ANKRD55: variants seen among roughly 807,000 people sequenced by gnomAD.
ANKRD55 encodes the protein ankyrin repeat domain 55.
Under a neutral mutation model 60.6 loss-of-function variants are expected in ANKRD55, and 41 were observed. The observed-to-expected ratio is 0.68, with a 90% CI of 0.53 to 0.88. The LOEUF is 0.88. ANKRD55 is among the 40% of genes least tolerant of loss of function. The probability of loss-of-function intolerance (pLI) is 0.00; values close to 1 mark genes in which losing one functional copy is unlikely to be tolerated. For missense variants in ANKRD55, 732 were observed against 767.6 expected (o/e 0.95, Z 0.55); for synonymous variants, 264 against 290.3 (o/e 0.91, Z 0.92).
chr5:56,192,551 G>A (rs1759124363), intron 2 of ANKRD55: 2 of 377,964 alleles, frequency 5.3e-6, no homozygotes, highest in East Asian at 1.0e-4. Flanking sequence ...TTCCGAGATG[G>A]CCTCTAAATC....
intron 2 of ANKRD55, among the ~76,000 whole-genome samples, chr5:56,186,689 C>G (rs1421849810): frequency 6.6e-6 from 1 of 152,160 alleles, no homozygotes; most frequent in East Asian, 1.9e-4. Flanking sequence ...AGAAAATAGT[C>G]TCTTGTTGAT....
intron 2 of ANKRD55, among the ~76,000 whole-genome samples, chr5:56,222,240 G>A (rs758854786): frequency 1.4e-4 from 21 of 152,192 alleles, no homozygotes; most frequent in Non-Finnish European, 2.8e-4. Flanking sequence ...AACAGAGTCT[G>A]GAGTGGACCT....
intron 9 of ANKRD55, among the ~76,000 whole-genome samples, chr5:56,112,827 T>G (rs1209421057): frequency 6.6e-6 from 1 of 152,088 alleles, no homozygotes; most frequent in African/African-American, 2.4e-5. Context: ...CTTTCTGGAG[T>G]GAGATATCGC....
At chr5:56,201,900 C>T (rs943808580) in intron 2 of ANKRD55, among the ~76,000 whole-genome samples, 2 of 152,156 alleles carry the variant, frequency 1.3e-5, no homozygotes, top group Non-Finnish European at 2.9e-5. Flanking sequence ...AACCTAAATG[C>T]CCATCAGTGA....
chr5:56,162,167 T>A, intron 5 of ANKRD55: 1 of 323,340 alleles, frequency 3.1e-6, no homozygotes, highest in Non-Finnish European at 4.4e-6. Context: ...AGATTATCTG[T>A]AGCCAGACAG....
Position 56,102,504 on chromosome 5 carries a change from T to A in ANKRD55, c.1713A>T (p.Pro571=). 6.2e-7 allele frequency: 1 copy of A among 1,610,698 alleles called. No individual in the cohort carries two copies. The highest frequency in any genetic ancestry group is 8.5e-7 in the Non-Finnish European group (1 of 1,177,518). ...PFTRNNLAPL[P]DQKFLSGEPL... ...ATTCATAATACTTACATTTTTGATCTGGTAGGGGAGCTAGGTTGTTCCGAG... is the reference window on the plus strand; with the variant it reads ...ATTCATAATACTTACATTTTTGATCAGGTAGGGGAGCTAGGTTGTTCCGAG... Residue 571 remains proline, a synonymous_variant, in exon 11 of 12, where the codon CCA becomes CCT. Coordinates refer to ENST00000341048, the MANE Select transcript of ANKRD55 (RefSeq NM_024669.3).
chr5:56,146,437 A>G (rs908623541), intron 6 of ANKRD55, among the ~76,000 whole-genome samples: 5 of 151,992 alleles, frequency 3.3e-5, no homozygotes, highest in African/African-American at 4.8e-5. Context: ...GGTGCCCGCC[A>G]CCACGCCTGC....
rs1758230057 is a variant in ANKRD55 at position 56,157,792 on chromosome 5, TACTG to T, written c.483+2037_483+2040del. On this transcript the variant is annotated intron_variant, in intron 6 of 11. Transcript: ENST00000341048. ...GATGGTAGAGATAATGATCAATAAA[TACTG>T]AGGGAACTCAGAGACCGGAGCCGGC... is the stretch of plus-strand genomic sequence containing the variant. Among the ~76,000 whole-genome samples, 3 of 152,274 alleles carry T rather than the reference TACTG, an allele frequency of 2.0e-5. No homozygotes were observed. In the South Asian group the frequency reaches 6.2e-4, roughly 32 times the overall value.
At chr5:56,186,633 T>A (rs542262844) in intron 2 of ANKRD55, among the ~76,000 whole-genome samples, 137 of 152,238 alleles carry the variant, frequency 9.0e-4, no homozygotes, top group African/African-American at 3.1e-3. Flanking sequence ...CTTAAAAAAT[T>A]TTTTTTTGGT....
Position 56,233,233 on chromosome 5 carries a change from C to T in ANKRD55, c.-34+8G>A, listed in dbSNP as rs2111907131. ...CAAAAAGATAGTAAAATTGTATGGG[C>T]CACCTGCCTTGGATCTGGGCTGGAA... On this transcript the variant is annotated splice_region_variant and intron_variant, in intron 1 of 11. Coordinates refer to ENST00000341048, the MANE Select transcript of ANKRD55 (RefSeq NM_024669.3). The T allele has an allele frequency of 9.4e-6, 3 of 318,078 alleles. No individual in the cohort carries two copies. The highest frequency in any genetic ancestry group is 9.7e-5 in the South Asian group (2 of 20,650). The allele number at this position is 318,078 out of a possible 1,614,324, so 19.7% of individuals were successfully genotyped here.
In ANKRD55 at chr5:56,143,906, C is replaced by T. The variant is rs1471943648; in HGVS notation, c.507G>A (p.Ala169=). ...DNEGMTPLHW[A]AFHNQPQHTQ... is the part of the protein sequence containing the mutation. ...TGTGTTGAGGCTGGTTGTGGAAAGCCGCCCAGTGGAGTGGTGTCATTCCCT... is the reference window on the plus strand; with the variant it reads ...TGTGTTGAGGCTGGTTGTGGAAAGCTGCCCAGTGGAGTGGTGTCATTCCCT... Residue 169 remains alanine (A), a synonymous_variant, in exon 7 of 12, where the codon GCG becomes GCA. Transcript: ENST00000341048. 8.7e-6 allele frequency: 14 copies of T among 1,613,948 alleles called. No homozygotes were observed. The highest frequency in any genetic ancestry group is 3.3e-5 in the South Asian group (3 of 91,086).
intron 9 of ANKRD55, among the ~76,000 whole-genome samples, chr5:56,116,245 T>C (rs528896204): frequency 1.3e-5 from 2 of 151,828 alleles, no homozygotes; most frequent in Admixed American, 6.6e-5. Flanking sequence ...TTTTTGAGAG[T>C]GTAAAAGGGT....
At chr5:56,180,832 T>C (rs1758835426) in intron 3 of ANKRD55, among the ~76,000 whole-genome samples, 1 of 152,248 alleles carries the variant, frequency 6.6e-6, no homozygotes, top group African/African-American at 2.4e-5. Context: ...AGTATGTTGG[T>C]AGGTTCCTTA....
intron 6 of ANKRD55, among the ~76,000 whole-genome samples, chr5:56,159,274 C>T (rs1266709904): frequency 6.6e-6 from 1 of 152,138 alleles, no homozygotes; most frequent in Non-Finnish European, 1.5e-5. Flanking sequence ...CCAGCTTGAC[C>T]AACACGGAGA....
rs145772534 is a variant in ANKRD55 at position 56,224,357 on chromosome 5, T to C, written c.58+8499A>G. 2.6e-4 allele frequency among the ~76,000 whole-genome samples: 40 copies of C among 152,320 alleles called. No homozygotes were observed. In the East Asian group the frequency reaches 7.1e-3, roughly 27 times the overall value. On this transcript the variant is annotated intron_variant, in intron 2 of 11. Coordinates refer to ENST00000341048, the MANE Select transcript of ANKRD55 (RefSeq NM_024669.3). ...AAGGCAGTGTGTAGAGGGAAATTTATAGCACTAAATGCCCACAACAGAAAG... is the reference window on the plus strand; with the variant it reads ...AAGGCAGTGTGTAGAGGGAAATTTACAGCACTAAATGCCCACAACAGAAAG...
In ANKRD55 at chr5:56,145,764, A is replaced by G. The variant is rs73759906; in HGVS notation, c.484-1835T>C. ...AACCAGTTCCATATTTTAAATTCCT[A>G]TATTATGGTTTGCTTTCAAGTTTCA... On this transcript the variant is annotated intron_variant, in intron 6 of 11. Transcript: ENST00000341048. Among the ~76,000 whole-genome samples the G allele has an allele frequency of 8.3e-3, 1,271 of 152,278 alleles. 19 individuals carry two copies. Among genetic ancestry groups the G allele is most frequent in the African/African-American group, 0.028 (1,179 of 41,536 alleles).
chr5:56,145,048 G>A lies in ANKRD55; in HGVS notation c.484-1119C>T, dbSNP rs113405756. Among the ~76,000 whole-genome samples, 357 of 152,314 alleles carry A rather than the reference G, an allele frequency of 2.3e-3. 2 individuals are homozygous for A. The highest frequency in any genetic ancestry group is 8.0e-3 in the African/African-American group (332 of 41,564). Reference sequence around the variant, plus strand: ...TGGCTTTCTCTGTTCCTTCCAGGGTGAGCTGCATGGAGAAGATGGGCCTCA... The same window carrying A: ...TGGCTTTCTCTGTTCCTTCCAGGGTAAGCTGCATGGAGAAGATGGGCCTCA... On this transcript the variant is annotated intron_variant, in intron 6 of 11. Transcript: ENST00000341048.
intron 5 of ANKRD55, among the ~76,000 whole-genome samples, chr5:56,165,050 G>A (rs1484621250): frequency 6.6e-6 from 1 of 152,118 alleles, no homozygotes; most frequent in Non-Finnish European, 1.5e-5. Flanking sequence ...AAGCAGCTTC[G>A]GTTTGAGGCT....
intron 2 of ANKRD55, among the ~76,000 whole-genome samples, chr5:56,205,039 A>T (rs1202383564): frequency 6.7e-6 from 1 of 150,024 alleles, no homozygotes; most frequent in African/African-American, 2.5e-5. Flanking sequence ...GCTGGAAGAG[A>T]GTTTAGACTT....
Sources: allele counts gnomAD v4.1 joint callset (sites outside exome capture counted in the v4.1 genomes callset), GRCh38; gene constraint gnomAD v4.1.1; transcripts MANE v1.5; gene names NCBI Gene and HGNC (gene_info 2026-07-23, HGNC 2026-07-21).